Variants in FAM135B observed in about 807,000 individuals in gnomAD.
FAM135B encodes the protein protein FAM135B.
A neutral mutation model predicts 127.7 loss-of-function variants in FAM135B; 43 were observed. That is an observed-to-expected ratio of 0.34 (90% CI 0.26 to 0.43). FAM135B has a LOEUF of 0.43. Among genes scored for constraint, FAM135B ranks in the 20% least tolerant of loss-of-function variants. The pLI, the probability that FAM135B is intolerant of heterozygous loss-of-function variation, is 1.00. For missense variants in FAM135B, 1,558 were observed against 1,725.6 expected, an observed-to-expected ratio of 0.90 and a Z score of 1.72; for synonymous variants, 670 against 665.1, an observed-to-expected ratio of 1.01 and a Z score of -0.11.
At chr8:138,145,016 GTTTTA>G (rs1817539972) in intron 15 of FAM135B, among the ~76,000 whole-genome samples, 2 of 151,972 alleles carry the variant, frequency 1.3e-5, no homozygotes, top group African/African-American at 4.8e-5. Flanking sequence ...GTTTAGTTTA[GTTTTA>G]TTTTATTTTT....
chr8:138,202,959 G>T (rs1271915088), intron 7 of FAM135B, among the ~76,000 whole-genome samples: 1 of 152,158 alleles, frequency 6.6e-6, no homozygotes, highest in Non-Finnish European at 1.5e-5. Context: ...TCACTAGCAG[G>T]TTGCCTGAGC....
chr8:138,307,536 G>C (rs1022257925), intron 3 of FAM135B, among the ~76,000 whole-genome samples: 1 of 152,050 alleles, frequency 6.6e-6, no homozygotes, highest in African/African-American at 2.4e-5. Flanking sequence ...ACTTCTGTTG[G>C]TTCCACCTGC....
intron 2 of FAM135B, among the ~76,000 whole-genome samples, chr8:138,360,248 A>G (rs1563933927): frequency 1.3e-5 from 2 of 152,240 alleles, no homozygotes; most frequent in Non-Finnish European, 2.9e-5. Flanking sequence ...AGCTAACAAT[A>G]TTAGAAATGC....
chr8:138,149,455 A>T (rs923811339), intron 13 of FAM135B, among the ~76,000 whole-genome samples: 75 of 152,244 alleles, frequency 4.9e-4, no homozygotes, highest in African/African-American at 1.5e-3. Flanking sequence ...GAACTACATG[A>T]CTTGGCTTTA....
intron 1 of FAM135B, among the ~76,000 whole-genome samples, chr8:138,491,142 C>CAAAAAAAAAA (rs796189435): frequency 1.4e-5 from 1 of 73,738 alleles, no homozygotes; most frequent in African/African-American, 4.5e-5. Context: ...AACTCTCTCT[C>CAAAAAAAAAA]AAAAAAAAAA....
At chr8:138,276,877 C>T (rs1823868713) in intron 3 of FAM135B, among the ~76,000 whole-genome samples, 1 of 152,206 alleles carries the variant, frequency 6.6e-6, no homozygotes, top group African/African-American at 2.4e-5. Context: ...GGTGTAAATC[C>T]TCTAGCTATG....
At chr8:138,277,823 T>C (rs1309774408) in intron 3 of FAM135B, among the ~76,000 whole-genome samples, 2 of 152,148 alleles carry the variant, frequency 1.3e-5, no homozygotes, top group East Asian at 1.9e-4. Context: ...ATGCTGTCCA[T>C]CTCTTCCATG....
At chr8:138,274,636 A>G (rs1823665007) in intron 3 of FAM135B, among the ~76,000 whole-genome samples, 1 of 152,040 alleles carries the variant, frequency 6.6e-6, no homozygotes, top group Non-Finnish European at 1.5e-5. Context: ...GGGAGACTGG[A>G]GTCTATTTCA....
rs139660206 is a variant in FAM135B at position 138,362,279 on chromosome 8, ATATCTTT to A, written c.77+5621_77+5627del. On this transcript the variant is annotated intron_variant, in intron 2 of 19. Transcript: ENST00000395297. ...CTCCCTCTCACCATCCCCCACCCCC[ATATCTTT>A]TTTTTTTTTTTTTTTTTTACCAAAT... Among the ~76,000 whole-genome samples the A allele has an allele frequency of 1.6e-3, 193 of 122,492 alleles. 5 individuals are homozygous for A. The highest frequency in any genetic ancestry group is 0.014 in the South Asian group (58 of 4,074). The allele number at this position is 122,492 out of a possible 152,430, so 80.4% of individuals were successfully genotyped here. A position where few individuals can be genotyped will look rare whatever the true frequency, so the allele number is the denominator to read the frequency against.
In FAM135B at chr8:138,152,973, T is replaced by A; in HGVS notation, c.1502A>T (p.Tyr501Phe). The A allele has an allele frequency of 6.2e-7, 1 of 1,614,236 alleles. No homozygotes were observed. The highest frequency in any genetic ancestry group is 8.5e-7 in the Non-Finnish European group (1 of 1,180,050). ...GTTTTGAAATTCACCAATTGATATA[T>A]ACACCTGAGATTCAGAGCACATGTC... The part of the protein sequence containing the change: ...HMDMCSESQV[Y>F]ISIGEFQNKA... The change falls in exon 13 of 20, where the codon TAT becomes TTT. Residue 501 changes from tyrosine (Y) to phenylalanine (F), a missense_variant. By Grantham distance (22) the Tyr-to-Phe change is conservative. Coordinates refer to ENST00000395297, the MANE Select transcript of FAM135B (RefSeq NM_015912.4).
intron 1 of FAM135B, among the ~76,000 whole-genome samples, chr8:138,418,500 G>T (rs1204564740): frequency 6.6e-6 from 1 of 151,118 alleles, no homozygotes; most frequent in Non-Finnish European, 1.5e-5. Context: ...ATAGTCATCA[G>T]ATTCTCCAAG....
intron 3 of FAM135B, among the ~76,000 whole-genome samples, chr8:138,285,174 T>G: frequency 8.0e-6 from 1 of 124,886 alleles, no homozygotes; most frequent in African/African-American, 3.1e-5. Flanking sequence ...TGAGACAGAG[T>G]CTCACTCTGT....
chr8:138,240,007 G>C (rs181482999), intron 7 of FAM135B, among the ~76,000 whole-genome samples: 1 of 147,628 alleles, frequency 6.8e-6, no homozygotes, highest in African/African-American at 2.5e-5. Flanking sequence ...CATGGGGTGG[G>C]GGAGGGGGGA....
intron 2 of FAM135B, among the ~76,000 whole-genome samples, chr8:138,360,127 A>T (rs893685432): frequency 9.8e-5 from 15 of 152,336 alleles, no homozygotes; most frequent in Middle Eastern, 6.8e-3. Context: ...AACATCAAAC[A>T]ATGAAAAATC....
At chr8:138,324,820 A>G (rs1262839957) in intron 2 of FAM135B, among the ~76,000 whole-genome samples, 1 of 152,180 alleles carries the variant, frequency 6.6e-6, no homozygotes, top group African/African-American at 2.4e-5. Flanking sequence ...TATACAATAC[A>G]CCCTATCCTG....
At chr8:138,321,233 A>G (rs1827434737) in intron 2 of FAM135B, among the ~76,000 whole-genome samples, 1 of 152,114 alleles carries the variant, frequency 6.6e-6, no homozygotes, top group Non-Finnish European at 1.5e-5. Context: ...ATGATGCTCA[A>G]CCCCATATTT....
intron 7 of FAM135B, among the ~76,000 whole-genome samples, chr8:138,200,878 C>T (rs1435355942): frequency 6.6e-6 from 1 of 152,210 alleles, no homozygotes; most frequent in Non-Finnish European, 1.5e-5. Flanking sequence ...GATCAAAAGA[C>T]TATGGCTCAA....
chr8:138,455,288 C>T (rs1331682855), intron 1 of FAM135B, among the ~76,000 whole-genome samples: 1 of 152,162 alleles, frequency 6.6e-6, no homozygotes, highest in Non-Finnish European at 1.5e-5. Flanking sequence ...GAAATGTAAA[C>T]TGCATTGGGA....
intron 11 of FAM135B, among the ~76,000 whole-genome samples, chr8:138,173,706 A>G (rs1814134931): frequency 6.6e-6 from 1 of 152,238 alleles, no homozygotes; most frequent in Non-Finnish European, 1.5e-5. Flanking sequence ...CTTAGAATGA[A>G]TTCCTTTTGA....
Sources: gnomAD v4.1 joint callset for allele counts (sites outside exome capture counted in the v4.1 genomes callset) on GRCh38, gnomAD v4.1.1 for gene constraint, MANE v1.5 for transcripts, NCBI Gene and HGNC (gene_info 2026-07-23, HGNC 2026-07-21) for gene names.